CYFIP2: variants seen among roughly 807,000 people sequenced by gnomAD.
CYFIP2 encodes cytoplasmic FMR1 interacting protein 2.
In CYFIP2, 29 loss-of-function variants were observed where a neutral mutation model predicts 158.7. The observed-to-expected ratio is 0.18, with a 90% CI of 0.14 to 0.25. The LOEUF (loss-of-function observed/expected upper bound fraction) is 0.25. Among genes scored for constraint, CYFIP2 ranks in the 10% least tolerant of loss-of-function variants. The pLI is 1.00. For synonymous variants in CYFIP2, 585 were observed against 617.6 expected, an observed-to-expected ratio of 0.95 and a Z score of 0.78; for missense variants, 852 against 1,639.5, an observed-to-expected ratio of 0.52 and a Z score of 8.29.
intron 21 of CYFIP2, among the ~76,000 whole-genome samples, chr5:157,338,476 T>C (rs1762013148): frequency 6.6e-6 from 1 of 152,248 alleles, no homozygotes; most frequent in African/African-American, 2.4e-5. Context: ...TGAAGTCAAG[T>C]TACTTAACTT....
chr5:157,389,446 A>C lies in CYFIP2; in HGVS notation c.3446+19A>C, dbSNP rs1271441038. 3.9e-6 allele frequency: 6 copies of C among 1,546,286 alleles called. No individual in the cohort carries two copies. In the African/African-American group the frequency reaches 8.1e-5, roughly 21 times the overall value. ...CAGCTGAGTGAGTACCCCCCAGAGA[A>C]GGCAGGGTTACCCCCAACCTGCCTG... On this transcript the variant is annotated intron_variant, in intron 29 of 30. Coordinates refer to ENST00000620254, the MANE Select transcript of CYFIP2 (RefSeq NM_001037333.3).
chr5:157,354,648 C>G (rs552753131), intron 23 of CYFIP2, among the ~76,000 whole-genome samples: 1 of 152,152 alleles, frequency 6.6e-6, no homozygotes, highest in East Asian at 1.9e-4. Flanking sequence ...GTCCTTCTCA[C>G]ATGAAATGCA....
chr5:157,380,489 A>C (rs1229824799), intron 26 of CYFIP2, among the ~76,000 whole-genome samples: 1 of 152,188 alleles, frequency 6.6e-6, no homozygotes, highest in African/African-American at 2.4e-5. Context: ...TCACTGTCAT[A>C]ATGTCCCCTG....
intron 1 of CYFIP2, among the ~76,000 whole-genome samples, chr5:157,277,344 C>T (rs982293117): frequency 2.6e-5 from 4 of 152,024 alleles, no homozygotes; most frequent in African/African-American, 7.2e-5. Context: ...TCTGTGTAGC[C>T]ACCAAGTCCG....
At chr5:157,308,873 G>A (rs1299960521) in intron 9 of CYFIP2, among the ~76,000 whole-genome samples, 2 of 152,196 alleles carry the variant, frequency 1.3e-5, no homozygotes, top group Non-Finnish European at 2.9e-5. Flanking sequence ...GCAGGCCTGG[G>A]TGTAAGTCTG....
intron 14 of CYFIP2, among the ~76,000 whole-genome samples, 192 bp from the exon 15 acceptor site, chr5:157,320,463 G>C (rs750709177): frequency 6.6e-6 from 1 of 152,226 alleles, no homozygotes; most frequent in Non-Finnish European, 1.5e-5. Context: ...TTTAAACACA[G>C]ATTCCTGGAC....
At chr5:157,282,549 C>A (rs1326427554) in intron 1 of CYFIP2, among the ~76,000 whole-genome samples, 2 of 152,218 alleles carry the variant, frequency 1.3e-5, no homozygotes, top group East Asian at 3.8e-4. Flanking sequence ...ACAAGTAGTC[C>A]TGCTGTGAAT....
rs751064752 is a variant in CYFIP2, at chr5:157,325,479, C to T, written c.1826-3C>T. On this transcript the variant is annotated splice_region_variant and splice_polypyrimidine_tract_variant and intron_variant, in intron 16 of 30. Transcript: ENST00000620254. ...CCAAAGGCTCGTTCCCTTATGCTTT[C>T]AGAAGCCCTGCAGCAGTGTTGTGAC... 4.4e-5 allele frequency: 70 copies of T among 1,602,380 alleles called. 1 individual carries two copies. In the South Asian group the frequency reaches 5.7e-4, roughly 13 times the overall value.
At chr5:157,288,681 A>G (rs900400308) in intron 3 of CYFIP2, 5 of 448,414 alleles carry the variant, frequency 1.1e-5, no homozygotes, top group African/African-American at 8.1e-5. Flanking sequence ...TATCATATCC[A>G]TTTTGCCGAT....
intron 26 of CYFIP2, among the ~76,000 whole-genome samples, chr5:157,367,197 G>A (rs1470418594): frequency 1.3e-5 from 2 of 152,182 alleles, no homozygotes; most frequent in Non-Finnish European, 2.9e-5. Flanking sequence ...TCCAGGGTTG[G>A]TTTCTCAACC....
intron 9 of CYFIP2, 48 bp from the exon 10 acceptor site, chr5:157,309,695 C>G: frequency 1.9e-6 from 3 of 1,547,418 alleles, no homozygotes; most frequent in Non-Finnish European, 2.6e-6. Flanking sequence ...AGGCAGCCAC[C>G]CCAACCCCTC....
intron 26 of CYFIP2, among the ~76,000 whole-genome samples, chr5:157,374,898 G>A (rs1394353411): frequency 2.0e-5 from 3 of 152,202 alleles, no homozygotes; most frequent in African/African-American, 7.2e-5. Flanking sequence ...TGCATCAACT[G>A]CGTTGCAAGA....
intron 12 of CYFIP2, 109 bp downstream of exon 12, chr5:157,314,572 C>T (rs1306747594): frequency 8.5e-6 from 12 of 1,418,750 alleles, no homozygotes; most frequent in Admixed American, 5.3e-5. Flanking sequence ...TTACAATTCA[C>T]GTACCATACG....
chr5:157,381,222 C>T (rs1423684374), intron 26 of CYFIP2, among the ~76,000 whole-genome samples: 1 of 152,128 alleles, frequency 6.6e-6, no homozygotes, highest in Non-Finnish European at 1.5e-5. Flanking sequence ...TGAGACATAA[C>T]CACTACTCTG....
intron 26 of CYFIP2, chr5:157,363,522 GTGC>G (rs547244180): frequency 1.1e-4 from 17 of 152,822 alleles, no homozygotes; most frequent in African/African-American, 4.1e-4. Flanking sequence ...AGAGAGAGAT[GTGC>G]TGTTTTTGAA....
intron 12 of CYFIP2, 110 bp from the exon 13 acceptor site, chr5:157,314,859 T>C: frequency 1.1e-6 from 1 of 880,012 alleles, no homozygotes; most frequent in Non-Finnish European, 1.8e-6. Flanking sequence ...CATGAATCAG[T>C]ACTTTATTCC....
rs753941532 is a variant in CYFIP2, at chr5:157,361,133, TAATA to T, written c.2909-330_2909-327del. Among the ~76,000 whole-genome samples, 315 of 152,304 alleles carry T rather than the reference TAATA, an allele frequency of 2.1e-3. 2 individuals carry two copies. Among genetic ancestry groups the T allele is most frequent in the Non-Finnish European group, 2.5e-3 (171 of 68,014 alleles). On this transcript the variant is annotated intron_variant, in intron 25 of 30. Coordinates refer to ENST00000620254, the MANE Select transcript of CYFIP2 (RefSeq NM_001037333.3). The surrounding 1 kb of genome is among the most constrained non-coding windows in gnomAD (Gnocchi z 4.4). The stretch of plus-strand genomic sequence containing the variant: ...GCTCAGCACAATATCTGACACCTAC[TAATA>T]AATATTAATTCCTGTCATGATTAGG...
At chr5:157,333,585 A>G (rs1761641796) in intron 21 of CYFIP2, 139 bp downstream of exon 21, 1 of 1,235,102 alleles carries the variant, frequency 8.1e-7, no homozygotes, top group Non-Finnish European at 1.1e-6. Flanking sequence ...GGAGCTGGGA[A>G]AGAAAAACTT....
At chr5:157,318,232 A>C (rs942964090) in intron 13 of CYFIP2, among the ~76,000 whole-genome samples, 1 of 152,072 alleles carries the variant, frequency 6.6e-6, no homozygotes, top group African/African-American at 2.4e-5. Flanking sequence ...GATGAAGTCC[A>C]ATTTGTCAGT....
Sources: gnomAD v4.1 joint callset for allele counts (sites outside exome capture counted in the v4.1 genomes callset) on GRCh38, gnomAD v4.1.1 for gene constraint, Gnocchi (gnomAD v3.1) non-coding constraint, MANE v1.5 for transcripts, NCBI Gene and HGNC (gene_info 2026-07-23, HGNC 2026-07-21) for gene names.